The following HMGCLL1 variants were observed in gnomAD, a reference collection of about 807,000 sequenced individuals.
HMGCLL1 encodes 3-hydroxymethyl-3-methylglutaryl-CoA lyase, cytoplasmic.
Under a neutral mutation model 39.1 loss-of-function variants are expected in HMGCLL1, and 36 were observed. The ratio of observed to expected loss-of-function variants is 0.92; its 90% CI spans 0.71 to 1.22. The LOEUF (loss-of-function observed/expected upper bound fraction) is 1.22. Ranked by LOEUF, HMGCLL1 falls within the 50% of genes most tolerant of loss-of-function variation. The pLI is 0.00. For synonymous variants in HMGCLL1, 149 were observed against 144.0 expected (o/e 1.03, Z -0.25); for missense variants, 451 against 416.5 (o/e 1.08, Z -0.72).
At chr6:55,582,457 G>A (rs1367563544), upstream of HMGCLL1, among the ~76,000 whole-genome samples, 1 of 152,208 alleles carries the variant, frequency 6.6e-6, no homozygotes, top group Non-Finnish European at 1.5e-5. Context: ...TCTTAGAGGT[G>A]TCCCATAACC....
chr6:55,538,083 C>T (rs759960749), intron 3 of HMGCLL1, among the ~76,000 whole-genome samples: 4 of 151,972 alleles, frequency 2.6e-5, no homozygotes, highest in African/African-American at 4.8e-5. Flanking sequence ...CTGCCTTATC[C>T]TTCTAAATGT....
the HMGCLL1 span, among the ~76,000 whole-genome samples, chr6:55,598,309 A>C: frequency 6.6e-6 from 1 of 152,184 alleles, no homozygotes; most frequent in East Asian, 1.9e-4. Flanking sequence ...GTGTTGAAAA[A>C]AATTACAAAA....
rs377549470 is a variant in HMGCLL1 at position 55,541,817 on chromosome 6, A to C, written c.209T>G (p.Ile70Arg). The change falls in exon 3 of 9, where the codon ATA (isoleucine) becomes AGA (arginine). Residue 70 changes from isoleucine (I) to arginine (R), a missense_variant. Physicochemically the swap from Ile to Arg is moderately conservative, Grantham distance 97 (BLOSUM62 -3). Transcript: ENST00000274901. ...AAGTCGATTGATAAATTCAATTTTT[A>C]TATCTGTAGGAACTATAACCTATGA... The part of the protein sequence containing the change: ...QNEKVIVPTD[I>R]KIEFINRLSQ... The C allele has an allele frequency of 1.3e-6, 2 of 1,597,914 alleles. No individual in the cohort carries two copies. Among genetic ancestry groups the C allele is most frequent in the African/African-American group, 2.7e-5 (2 of 74,460 alleles).
At chr6:55,511,588 T>C (rs1767464369) in intron 5 of HMGCLL1, among the ~76,000 whole-genome samples, 1 of 152,106 alleles carries the variant, frequency 6.6e-6, no homozygotes, top group South Asian at 2.1e-4. Flanking sequence ...TTCTGGATGA[T>C]TATCAAGTAT....
intron 1 of HMGCLL1, among the ~76,000 whole-genome samples, chr6:55,565,240 C>T (rs1362780896): frequency 6.6e-6 from 1 of 151,940 alleles, no homozygotes; most frequent in South Asian, 2.1e-4. Context: ...TTTATTAACT[C>T]TCTGAGCCTC....
At chr6:55,650,065 A>T in the HMGCLL1 span, among the ~76,000 whole-genome samples, 1 of 117,176 alleles carries the variant, frequency 8.5e-6, no homozygotes, top group African/African-American at 3.4e-5. Flanking sequence ...GGTTATATAT[A>T]TATATATATA....
intron 7 of HMGCLL1, 132 bp from the exon 8 acceptor site, chr6:55,439,691 G>T (rs1345885044): frequency 3.2e-6 from 3 of 935,160 alleles, no homozygotes; most frequent in Non-Finnish European, 4.8e-6. Flanking sequence ...CACTTACCCA[G>T]TGGCCTCTAG....
chr6:55,436,205 G>A, intron 8 of HMGCLL1, among the ~76,000 whole-genome samples: 1 of 151,842 alleles, frequency 6.6e-6, no homozygotes, highest in East Asian at 1.9e-4. Flanking sequence ...AAGCCATAAG[G>A]ATTACAGAAA....
At chr6:55,486,968 C>T (rs59356503) in intron 7 of HMGCLL1, among the ~76,000 whole-genome samples, 24,720 of 152,016 alleles carry the variant, frequency 0.16, 2,301 homozygotes, top group Non-Finnish European at 0.21. Flanking sequence ...CAAATAAATT[C>T]CCTTGGGCCT....
intron 7 of HMGCLL1, among the ~76,000 whole-genome samples, chr6:55,479,885 T>C (rs1262356742): frequency 6.6e-6 from 1 of 151,678 alleles, no homozygotes; most frequent in African/African-American, 2.4e-5. Context: ...GTCTTTCTAA[T>C]TGGATCTTGG....
intron 3 of HMGCLL1, among the ~76,000 whole-genome samples, chr6:55,521,602 A>G (rs986878850): frequency 3.9e-5 from 6 of 151,918 alleles, no homozygotes; most frequent in Non-Finnish European, 5.9e-5. Flanking sequence ...TGATTTTACT[A>G]TTGTCATTAT....
At chr6:55,666,217 A>G in the HMGCLL1 span, among the ~76,000 whole-genome samples, 1 of 151,908 alleles carries the variant, frequency 6.6e-6, no homozygotes, top group African/African-American at 2.4e-5. Context: ...TGATCCAGCC[A>G]TGCAAATAAT....
At chr6:55,539,223 C>A (rs890244179) in intron 3 of HMGCLL1, among the ~76,000 whole-genome samples, 1 of 152,078 alleles carries the variant, frequency 6.6e-6, no homozygotes, top group African/African-American at 2.4e-5. Context: ...TCTTGAATAC[C>A]AAACCAAAGT....
intron 1 of HMGCLL1, chr6:55,566,525 G>A (rs756941113): frequency 2.3e-5 from 10 of 444,204 alleles, no homozygotes; most frequent in Admixed American, 9.8e-5. Flanking sequence ...AAAAGAGCCC[G>A]AACACTGAAT....
chr6:55,540,597 TCTC>T (rs770694378), intron 3 of HMGCLL1, among the ~76,000 whole-genome samples: 2 of 152,124 alleles, frequency 1.3e-5, no homozygotes, highest in Non-Finnish European at 2.9e-5. Flanking sequence ...GAGAAATAGT[TCTC>T]CTGCTGTTTA....
At chr6:55,530,322 T>C (rs976870228) in intron 3 of HMGCLL1, among the ~76,000 whole-genome samples, 1 of 152,050 alleles carries the variant, frequency 6.6e-6, no homozygotes, top group African/African-American at 2.4e-5. Flanking sequence ...CTATAAGTTT[T>C]TGCAATGACA....
the HMGCLL1 span, among the ~76,000 whole-genome samples, chr6:55,626,431 T>C: frequency 6.6e-6 from 1 of 152,108 alleles, no homozygotes; most frequent in African/African-American, 2.4e-5. Flanking sequence ...GCTGGATTGA[T>C]AGAACTGTGG....
intron 1 of HMGCLL1, among the ~76,000 whole-genome samples, chr6:55,561,548 T>G (rs1770947207): frequency 6.6e-6 from 1 of 152,110 alleles, no homozygotes; most frequent in African/African-American, 2.4e-5. Flanking sequence ...TGAATTTGCA[T>G]TTCTAACCAG....
chr6:55,437,484 T>C (rs552235929), intron 8 of HMGCLL1, among the ~76,000 whole-genome samples: 2 of 151,308 alleles, frequency 1.3e-5, no homozygotes, highest in African/African-American at 4.9e-5. Context: ...TGACCTGAGG[T>C]TTATACAAAA....
Sources: gnomAD v4.1 joint callset for allele counts (sites outside exome capture counted in the v4.1 genomes callset) on GRCh38, gnomAD v4.1.1 for gene constraint, MANE v1.5 for transcripts, NCBI Gene and HGNC (gene_info 2026-07-23, HGNC 2026-07-21) for gene names.